PAPSS2: variants seen among roughly 807,000 people sequenced by gnomAD.
PAPSS2 encodes the protein bifunctional 3'-phosphoadenosine 5'-phosphosulfate synthase 2.
Under a neutral mutation model 66.5 loss-of-function variants are expected in PAPSS2, and 61 were observed. The ratio of observed to expected loss-of-function variants is 0.92; its 90% CI spans 0.75 to 1.14. The LOEUF (loss-of-function observed/expected upper bound fraction) is 1.14, where lower values mean the gene tolerates loss of function less well. PAPSS2 is among the 50% of genes most tolerant of loss of function. The pLI is 0.00. For synonymous variants in PAPSS2, 289 were observed against 287.5 expected, an observed-to-expected ratio of 1.01 and a Z score of -0.05; for missense variants, 708 against 789.6, an observed-to-expected ratio of 0.90 and a Z score of 1.24.
intron 1 of PAPSS2, among the ~76,000 whole-genome samples, chr10:87,703,223 G>A (rs1352005644): frequency 7.0e-6 from 1 of 142,672 alleles, no homozygotes; most frequent in Admixed American, 7.2e-5. Context: ...CTTAGTGTAG[G>A]GTACGTCCCA....
chr10:87,702,025 A>G (rs1853325653), intron 1 of PAPSS2, among the ~76,000 whole-genome samples: 2 of 152,346 alleles, frequency 1.3e-5, no homozygotes, highest in East Asian at 3.9e-4. Flanking sequence ...GATACTCAAT[A>G]ATTTCACTTT....
In PAPSS2 at chr10:87,706,222, G is replaced by A. The variant is rs554575047; in HGVS notation, c.28-2974G>A. ...TGTCTTTCTCCCCAGAATGATGCCA[G>A]GGATTCTTCTTTGTTTGGTACTATA... On this transcript the variant is annotated intron_variant, in intron 1 of 12. Transcript: ENST00000456849. Among the ~76,000 whole-genome samples, 24 of 149,030 alleles carry A rather than the reference G, an allele frequency of 1.6e-4. 1 individual carries two copies. The East Asian group carries it at 4.3e-3, about 27-fold the overall frequency.
At chr10:87,686,749 C>A (rs1335855255) in intron 1 of PAPSS2, among the ~76,000 whole-genome samples, 1 of 152,150 alleles carries the variant, frequency 6.6e-6, no homozygotes, top group Non-Finnish European at 1.5e-5. Context: ...GGCTTTTAAA[C>A]CATCCCTTCT....
chr10:87,660,722 T>C (rs980828629), intron 1 of PAPSS2, among the ~76,000 whole-genome samples: 2 of 150,490 alleles, frequency 1.3e-5, no homozygotes, highest in African/African-American at 4.9e-5. Flanking sequence ...AAAAGTTTCT[T>C]TCCCAGCAAC....
chr10:87,702,379 C>A (rs903059531), intron 1 of PAPSS2, among the ~76,000 whole-genome samples: 1 of 152,200 alleles, frequency 6.6e-6, no homozygotes, highest in Non-Finnish European at 1.5e-5. Flanking sequence ...AAATGGATCA[C>A]AATGCTCAGT....
At chr10:87,675,655 T>C (rs1852934658) in intron 1 of PAPSS2, among the ~76,000 whole-genome samples, 1 of 152,258 alleles carries the variant, frequency 6.6e-6, no homozygotes, top group Non-Finnish European at 1.5e-5. Flanking sequence ...CTATTCTGAA[T>C]GCATCTCCTA....
chr10:87,680,708 A>G (rs1853009152), intron 1 of PAPSS2, among the ~76,000 whole-genome samples: 2 of 152,062 alleles, frequency 1.3e-5, no homozygotes, highest in African/African-American at 2.4e-5. Flanking sequence ...GTGTACTGGA[A>G]CACACTTTCA....
At chr10:87,736,790 G>A (rs1192028680) in intron 9 of PAPSS2, among the ~76,000 whole-genome samples, 1 of 152,326 alleles carries the variant, frequency 6.6e-6, no homozygotes, top group South Asian at 2.1e-4. Context: ...TCTGGGTTCT[G>A]CATCAGAATA....
chr10:87,660,804 G>GAA lies in PAPSS2; in HGVS notation c.27+825_27+826dup, dbSNP rs61018901. Among the ~76,000 whole-genome samples, 968 of 113,868 alleles carry GAA rather than the reference G, an allele frequency of 8.5e-3. 35 individuals carry two copies. Among genetic ancestry groups the GAA allele is most frequent in the East Asian group, 0.018 (47 of 2,552 alleles). The allele number at this position is 113,868 out of a possible 152,430, so 74.7% of individuals were successfully genotyped here. ...TTTGTCAATTATACCCCAATAAACTGAAAAAAAAAAAAAAAAAAAAAAAAA... is the reference window on the plus strand; with the variant it reads ...TTTGTCAATTATACCCCAATAAACTGAAAAAAAAAAAAAAAAAAAAAAAAAAA... On this transcript the variant is annotated intron_variant, in intron 1 of 12. Transcript: ENST00000456849.
At chr10:87,681,939 A>G (rs1027041876) in intron 1 of PAPSS2, among the ~76,000 whole-genome samples, 1 of 152,192 alleles carries the variant, frequency 6.6e-6, no homozygotes, top group Non-Finnish European at 1.5e-5. Context: ...TTATCCATTA[A>G]CAGGTTGATG....
chr10:87,675,971 C>CT (rs5786787), intron 1 of PAPSS2, among the ~76,000 whole-genome samples: 3,350 of 127,738 alleles, frequency 0.026, 166 homozygotes, highest in African/African-American at 0.092. Context: ...TTCCACATTT[C>CT]TTTTTTTTTT....
intron 1 of PAPSS2, among the ~76,000 whole-genome samples, chr10:87,706,218 GCC>G (rs1853388274): frequency 6.7e-6 from 1 of 148,464 alleles, no homozygotes; most frequent in Admixed American, 6.8e-5. Flanking sequence ...CCAGAATGAT[GCC>G]AGGGATTCTT....
intron 1 of PAPSS2, among the ~76,000 whole-genome samples, chr10:87,674,401 G>A (rs4934356): frequency 0.46 from 69,226 of 151,906 alleles, 16,539 homozygotes; most frequent in East Asian, 0.78. Flanking sequence ...CCTGGCCTCA[G>A]GTGATCCTCC....
At chr10:87,723,678 GCTGT>G (rs35826914) in intron 8 of PAPSS2, among the ~76,000 whole-genome samples, 78,525 of 151,432 alleles carry the variant, frequency 0.52, 21,501 homozygotes, top group East Asian at 0.71. Flanking sequence ...GCCGGCAGTT[GCTGT>G]CTATTTCCGG....
In PAPSS2 at chr10:87,745,118, TG is replaced by T. The variant is rs1372439004; in HGVS notation, c.1613del (p.Gly538AlafsTer4). 6.2e-7 allele frequency: 1 copy of T among 1,614,002 alleles called. No individual in the cohort carries two copies. Among genetic ancestry groups the T allele is most frequent in the African/African-American group, 1.3e-5 (1 of 74,930 alleles). On this transcript the variant is annotated frameshift_variant, in exon 12 of 13. Coordinates refer to ENST00000456849, the MANE Select transcript of PAPSS2 (RefSeq NM_001015880.2). LOFTEE classifies it high-confidence loss of function. Reference sequence around the variant, plus strand: ...AGAAGGATCTGTATGAACCCACTCATGGGGGCAAGGTCTTGAGCATGGCCCC... The same window carrying T: ...AGAAGGATCTGTATGAACCCACTCATGGGGCAAGGTCTTGAGCATGGCCCC... The part of the protein sequence containing the change: ...TKKDLYEPTH[G>X]GKVLSMAPGL...
chr10:87,688,563 C>G (rs1209936200), intron 1 of PAPSS2, among the ~76,000 whole-genome samples: 4 of 151,728 alleles, frequency 2.6e-5, no homozygotes, highest in Admixed American at 6.6e-5. Context: ...GGGTTCATGC[C>G]GTTCTCCTGC....
At chr10:87,686,284 T>C (rs1853087935) in intron 1 of PAPSS2, among the ~76,000 whole-genome samples, 1 of 142,544 alleles carries the variant, frequency 7.0e-6, no homozygotes, top group Non-Finnish European at 1.5e-5. Context: ...TTCTAGACAC[T>C]CCTTTACACT....
chr10:87,703,056 C>G (rs1017523724), intron 1 of PAPSS2, among the ~76,000 whole-genome samples: 1 of 152,162 alleles, frequency 6.6e-6, no homozygotes, highest in Non-Finnish European at 1.5e-5. Flanking sequence ...CAGAGACACA[C>G]ATGCCACCCT....
intron 1 of PAPSS2, among the ~76,000 whole-genome samples, chr10:87,684,463 TCA>T (rs764098956): frequency 5.3e-5 from 8 of 152,234 alleles, no homozygotes; most frequent in Non-Finnish European, 1.2e-4. Context: ...CAAGTTCAGT[TCA>T]CAGTGTGACT....
Sources: gnomAD v4.1 joint callset for allele counts (sites outside exome capture counted in the v4.1 genomes callset) on GRCh38, gnomAD v4.1.1 for gene constraint, MANE v1.5 for transcripts, NCBI Gene and HGNC (gene_info 2026-07-23, HGNC 2026-07-21) for gene names.